The following PLD5 variants were observed in gnomAD, a reference collection of about 807,000 sequenced individuals.
PLD5 encodes inactive phospholipase D5.
PLD5 carries 36 observed loss-of-function variants against 61.1 expected under a neutral mutation model. The ratio of observed to expected loss-of-function variants is 0.59; its 90% CI spans 0.45 to 0.78. The LOEUF (loss-of-function observed/expected upper bound fraction) is 0.78, where lower values mean the gene tolerates loss of function less well. Ranked by LOEUF, PLD5 falls within the 30% of genes least tolerant of loss-of-function variation. The probability of loss-of-function intolerance (pLI) is 0.00; values close to 1 mark genes in which losing one functional copy is unlikely to be tolerated. For synonymous variants in PLD5, 243 were observed against 242.8 expected, an observed-to-expected ratio of 1.00 and a Z score of -0.01; for missense variants, 515 against 644.4, an observed-to-expected ratio of 0.80 and a Z score of 2.17.
At chr1:242,218,483 C>A (rs1670356821) in intron 5 of PLD5, among the ~76,000 whole-genome samples, 5 of 152,078 alleles carry the variant, frequency 3.3e-5, no homozygotes, top group Non-Finnish European at 2.9e-5. Flanking sequence ...CTAGTTCAAT[C>A]CAGAGATTAG....
At chr1:242,270,667 A>G (rs1031299358) in intron 3 of PLD5, among the ~76,000 whole-genome samples, 1 of 152,206 alleles carries the variant, frequency 6.6e-6, no homozygotes, top group African/African-American at 2.4e-5. Flanking sequence ...TGGGGAGTCC[A>G]GAGGCCTGCA....
chr1:242,159,344 G>T (rs896844873), intron 5 of PLD5, among the ~76,000 whole-genome samples: 9 of 152,078 alleles, frequency 5.9e-5, no homozygotes, highest in Non-Finnish European at 1.0e-4. Flanking sequence ...TGTGTTTAGG[G>T]TGAGACACGG....
intron 1 of PLD5, among the ~76,000 whole-genome samples, chr1:242,463,052 T>C (rs563139982): frequency 1.3e-5 from 2 of 152,304 alleles, no homozygotes; most frequent in East Asian, 3.9e-4. Context: ...TCATTATCAC[T>C]AGCTGCGAAC....
chr1:242,302,590 G>A (rs145795372), intron 2 of PLD5, among the ~76,000 whole-genome samples: 22 of 152,284 alleles, frequency 1.4e-4, no homozygotes, highest in African/African-American at 5.3e-4. Context: ...ATGGTAGCAT[G>A]TGCCTGTAGT....
At chr1:242,402,932 C>T (rs1378696886) in intron 1 of PLD5, among the ~76,000 whole-genome samples, 1 of 152,166 alleles carries the variant, frequency 6.6e-6, no homozygotes, top group Non-Finnish European at 1.5e-5. Context: ...CAATAAATCA[C>T]ACAGTGACAA....
intron 2 of PLD5, among the ~76,000 whole-genome samples, chr1:242,290,566 T>A (rs1214289452): frequency 6.6e-6 from 1 of 152,030 alleles, no homozygotes; most frequent in Non-Finnish European, 1.5e-5. Context: ...GGGAGCTAAG[T>A]CTGACAGCAC....
chr1:242,438,201 G>GGGTA (rs1666093149), intron 1 of PLD5, among the ~76,000 whole-genome samples: 1 of 152,038 alleles, frequency 6.6e-6, no homozygotes, highest in Non-Finnish European at 1.5e-5. Flanking sequence ...GGTCCACTGG[G>GGGTA]GGTAATCTGT....
chr1:242,308,000 T>C (rs945597707), intron 2 of PLD5, among the ~76,000 whole-genome samples: 8 of 152,234 alleles, frequency 5.3e-5, no homozygotes, highest in Non-Finnish European at 1.2e-4. Context: ...TTATACAATA[T>C]AACAGTTACT....
intron 9 of PLD5, among the ~76,000 whole-genome samples, chr1:242,094,903 G>T (rs1025599784): frequency 2.6e-5 from 4 of 151,858 alleles, no homozygotes; most frequent in Admixed American, 2.6e-4. Context: ...TCAAATATAG[G>T]TTTGTCTCAC....
chr1:242,406,639 A>C (rs924201960), intron 1 of PLD5, among the ~76,000 whole-genome samples: 4 of 152,240 alleles, frequency 2.6e-5, no homozygotes, highest in Non-Finnish European at 5.9e-5. Flanking sequence ...CTCTGACATT[A>C]GTTCTGAGAG....
intron 5 of PLD5, among the ~76,000 whole-genome samples, 193 bp downstream of exon 5, chr1:242,219,793 ACT>A (rs1491128573): frequency 1.3e-5 from 2 of 152,136 alleles, no homozygotes; most frequent in Non-Finnish European, 1.5e-5. Context: ...AACAGTTTTT[ACT>A]TTTTTTTGTA....
intron 7 of PLD5, among the ~76,000 whole-genome samples, 177 bp from the exon 8 acceptor site, chr1:242,108,016 AATG>A (rs1374413384): frequency 6.6e-6 from 1 of 152,128 alleles, no homozygotes; most frequent in Non-Finnish European, 1.5e-5. Context: ...GGCACCAAGA[AATG>A]ATGATTTGCT....
chr1:242,300,676 G>T (rs1675983323), intron 2 of PLD5, among the ~76,000 whole-genome samples: 1 of 151,626 alleles, frequency 6.6e-6, no homozygotes, highest in African/African-American at 2.4e-5. Flanking sequence ...ACAGTGGATT[G>T]GACAGGGGTG....
chr1:242,394,262 G>GTATA lies in PLD5; in HGVS notation c.190-46021_190-46020insTATA, dbSNP rs1401438974. Among the ~76,000 whole-genome samples, 4 of 81,118 alleles carry GTATA rather than the reference G, an allele frequency of 4.9e-5. 2 individuals are homozygous for GTATA. The highest frequency in any genetic ancestry group is 2.6e-4 in the African/African-American group (4 of 15,386). The allele number at this position is 81,118 out of a possible 152,430, so 53.2% of individuals were successfully genotyped here. Reference sequence around the variant, plus strand: ...AGTATATATATGTGTATATATATGAGTATGAGTATATATATGTGTATATAT... The same window carrying GTATA: ...AGTATATATATGTGTATATATATGAGTATATATGAGTATATATATGTGTATATAT... On this transcript the variant is annotated intron_variant, in intron 1 of 9. Transcript: ENST00000536534.
intron 1 of PLD5, among the ~76,000 whole-genome samples, chr1:242,450,521 G>T (rs1666738632): frequency 6.6e-6 from 1 of 152,060 alleles, no homozygotes; most frequent in Non-Finnish European, 1.5e-5. Flanking sequence ...TTTTTTTACT[G>T]CTTTTCCTCT....
rs181621596 is a variant in PLD5, at chr1:242,470,573, C to G, written c.189+53515G>C. 3.9e-5 allele frequency among the ~76,000 whole-genome samples: 6 copies of G among 152,208 alleles called. No homozygotes were observed. The East Asian group carries it at 1.2e-3, about 29-fold the overall frequency. On this transcript the variant is annotated intron_variant, in intron 1 of 9. Transcript: ENST00000536534. ...CAAGAATTAAGAAAAATGTAATCAG[C>G]TACTAGAGTCTAGCCACATAATAGG...
At chr1:242,110,893 TTTA>T (rs901508187) in intron 7 of PLD5, among the ~76,000 whole-genome samples, 2 of 152,174 alleles carry the variant, frequency 1.3e-5, no homozygotes, top group African/African-American at 4.8e-5. Context: ...AGGCTACATT[TTTA>T]TTATTCCTTT....
intron 1 of PLD5, among the ~76,000 whole-genome samples, chr1:242,420,421 C>T (rs779104511): frequency 2.6e-4 from 39 of 152,072 alleles, no homozygotes; most frequent in Admixed American, 1.4e-3. Flanking sequence ...TCAACAACTC[C>T]GTTACACAGT....
At chr1:242,374,488 A>C (rs1661834163) in intron 1 of PLD5, among the ~76,000 whole-genome samples, 2 of 152,096 alleles carry the variant, frequency 1.3e-5, no homozygotes, top group African/African-American at 4.8e-5. Flanking sequence ...ATCTCTCAAT[A>C]CCATTCTCCC....
Sources: allele counts gnomAD v4.1 joint callset (sites outside exome capture counted in the v4.1 genomes callset), GRCh38; gene constraint gnomAD v4.1.1; transcripts MANE v1.5; gene names NCBI Gene and HGNC (gene_info 2026-07-23, HGNC 2026-07-21).